NEB: variants seen among roughly 807,000 people sequenced by gnomAD.
NEB encodes the protein nemaline myopathy type 2.
NEB carries 512 observed loss-of-function variants against 952.2 expected under a neutral mutation model. The ratio of observed to expected loss-of-function variants is 0.54; its 90% CI spans 0.50 to 0.58. The LOEUF is 0.58. Ranked by LOEUF, NEB falls within the 20% of genes least tolerant of loss-of-function variation. NEB has a pLI of 0.00. For missense variants in NEB, 8,428 were observed against 9,231.1 expected (o/e 0.91, Z 3.56); for synonymous variants, 2,900 against 3,149.8 (o/e 0.92, Z 2.66).
chr2:151,704,876 C>T (rs1055632303), intron 13 of NEB, among the ~76,000 whole-genome samples: 8 of 152,198 alleles, frequency 5.3e-5, no homozygotes, highest in African/African-American at 1.9e-4. Flanking sequence ...ATTCGGCCAT[C>T]TTGGCTCCTC....
At chr2:151,506,669 C>G (rs2069218035) in intron 163 of NEB, among the ~76,000 whole-genome samples, 1 of 152,176 alleles carries the variant, frequency 6.6e-6, no homozygotes, top group Non-Finnish European at 1.5e-5. Flanking sequence ...ACACATGTTA[C>G]TGCCCTGGGA....
At chr2:151,718,233 T>C (rs1254615096) in intron 9 of NEB, among the ~76,000 whole-genome samples, 1 of 152,126 alleles carries the variant, frequency 6.6e-6, no homozygotes, top group African/African-American at 2.4e-5. Context: ...AATGCTAACA[T>C]GATGAGTAGG....
chr2:151,563,253 G>A lies in NEB; in HGVS notation c.18693+353C>T, dbSNP rs561806276. ...CAGTCTCGAACTCCTGACCTCTGGT[G>A]ATCTGCCTGCCTTGGCCTCCAAAGT... On this transcript the variant is annotated intron_variant, in intron 119 of 181. Transcript: ENST00000397345. Among the ~76,000 whole-genome samples the A allele has an allele frequency of 1.8e-4, 27 of 152,068 alleles. 1 individual carries two copies. The highest frequency in any genetic ancestry group is 3.8e-4 in the Non-Finnish European group (26 of 67,986).
At position 151,568,094 on chromosome 2, in the gene NEB, G is replaced by A. The variant is rs2153743962; in HGVS notation, c.17821C>T (p.His5941Tyr). The change falls in exon 113 of 182, where the codon CAC becomes TAC. Residue 5941 changes from histidine (H) to tyrosine (Y), a missense_variant. This residue lies in a region of NEB where 3,374 missense variants were observed against 3,651.5 expected (regional missense o/e 0.92). Transcript: ENST00000397345. The part of the protein sequence containing the change: ...PDAVPFVHAH[H>Y]CNDVQSELKY... ...ACCTCACTCTGAACGTCATTGCAGTGATGGGCATGAACAAATGGCACAGCA... is the reference window on the plus strand; with the variant it reads ...ACCTCACTCTGAACGTCATTGCAGTAATGGGCATGAACAAATGGCACAGCA... 1 of 1,613,512 alleles carries A rather than the reference G, an allele frequency of 6.2e-7. No homozygotes were observed. Among genetic ancestry groups the A allele is most frequent in the East Asian group, 2.2e-5 (1 of 44,836 alleles).
Position 151,547,310 on chromosome 2 carries a change from CTT to C in NEB, c.20367+117_20367+118del, listed in dbSNP as rs1296220345. 9.5e-6 allele frequency: 7 copies of C among 740,200 alleles called. No individual in the cohort carries two copies. In the East Asian group the frequency reaches 1.1e-4, roughly 11 times the overall value. 45.9% of individuals were successfully genotyped at this position (740,200 alleles called of 1,614,324 possible). A position where few individuals can be genotyped will look rare whatever the true frequency, so the allele number is the denominator to read the frequency against. On this transcript the variant is annotated intron_variant, in intron 133 of 181. Coordinates refer to ENST00000397345, the MANE Select transcript of NEB (RefSeq NM_001164508.2). ...CACTGTCTTACCTCCAACTTGTACTCTTTGTTTAGAAGTGCTTATCAGAAAAG... is the reference window on the plus strand; with the variant it reads ...CACTGTCTTACCTCCAACTTGTACTCTGTTTAGAAGTGCTTATCAGAAAAG...
intron 18 of NEB, among the ~76,000 whole-genome samples, chr2:151,695,220 T>A (rs1275792279): frequency 6.6e-6 from 1 of 152,164 alleles, no homozygotes; most frequent in Non-Finnish European, 1.5e-5. Flanking sequence ...TTGTGTGAAA[T>A]AAGGGACATT....
intron 150 of NEB, 106 bp from the exon 151 acceptor site, chr2:151,525,379 G>C: frequency 1.2e-6 from 1 of 823,946 alleles, no homozygotes; most frequent in South Asian, 1.5e-5. Context: ...CCCCATTTTG[G>C]CGTCAGTCTG....
chr2:151,514,059 AAT>A lies in NEB; in HGVS notation c.23127+257_23127+258del, dbSNP rs1467771908. On this transcript the variant is annotated intron_variant, in intron 159 of 181. Transcript: ENST00000397345. ...TGTTTTCGTGTAGATGAGCACACCA[AAT>A]ATATCAAGTTAAATCAAATAATATT... Among the ~76,000 whole-genome samples the A allele has an allele frequency of 2.0e-5, 3 of 152,250 alleles. No individual in the cohort carries two copies. The East Asian group carries it at 5.8e-4, about 29-fold the overall frequency.
In NEB at chr2:151,650,884, T is replaced by C. The variant is rs2099021678; in HGVS notation, c.6917A>G (p.Tyr2306Cys). 1 of 1,602,814 alleles carries C rather than the reference T, an allele frequency of 6.2e-7. No homozygotes were observed. ...CTTTCGGTAGCCTTGTTTGTATTTATACTGAAATCAGAGAAAACACAGCTC... is the reference window on the plus strand; with the variant it reads ...CTTTCGGTAGCCTTGTTTGTATTTACACTGAAATCAGAGAAAACACAGCTC... ...AKASRDIASD[Y>C]KYKQGYRKQL... The change falls in exon 53 of 182, where the codon TAT (tyrosine) becomes TGT (cysteine). Residue 2306 changes from tyrosine to cysteine, a missense_variant and splice_region_variant. Coordinates refer to ENST00000397345, the MANE Select transcript of NEB (RefSeq NM_001164508.2).
chr2:151,525,988 G>C lies in NEB; in HGVS notation c.22131C>G (p.His7377Gln), dbSNP rs777069125. The change falls in exon 150 of 182, where the codon CAC becomes CAG. Residue 7377 changes from histidine to glutamine, a missense_variant. By Grantham distance (24) the His-to-Gln change is conservative (BLOSUM62 0). Transcript: ENST00000397345. ...TTLPETRDTV[H>Q]VKEVTKHVSD... is the part of the protein sequence containing the mutation. ...TGACATGCTTGGTCACTTCCTTGAC[G>C]TGAACAGTGTCCCGGGTCTCTGGTA... 78 of 1,613,840 alleles carry C rather than the reference G, an allele frequency of 4.8e-5. No individual in the cohort carries two copies. Among genetic ancestry groups the C allele is most frequent in the Non-Finnish European group, 6.3e-5 (74 of 1,179,856 alleles).
chr2:151,687,837 C>T, intron 25 of NEB, 104 bp from the exon 26 acceptor site: 4 of 1,005,620 alleles, frequency 4.0e-6, no homozygotes, highest in African/African-American at 1.6e-5. Context: ...CTTATTTCTC[C>T]TATAAAAACT....
In NEB at chr2:151,563,601, C is replaced by G. The variant is rs377482159; in HGVS notation, c.18693+5G>C. The G allele has an allele frequency of 1.6e-5, 26 of 1,609,980 alleles. No individual in the cohort carries two copies. The highest frequency in any genetic ancestry group is 2.0e-5 in the Non-Finnish European group (23 of 1,176,200). ...AATCCCGTGTTAAAGTGGACATTTACTTACCGCACTCCTCATCTTTTGGAA... is the reference window on the plus strand; with the variant it reads ...AATCCCGTGTTAAAGTGGACATTTAGTTACCGCACTCCTCATCTTTTGGAA... On this transcript the variant is annotated splice_donor_5th_base_variant and intron_variant, in intron 119 of 181. Coordinates refer to ENST00000397345, the MANE Select transcript of NEB (RefSeq NM_001164508.2).
intron 10 of NEB, among the ~76,000 whole-genome samples, chr2:151,714,483 G>A (rs2099753789): frequency 6.6e-6 from 1 of 152,082 alleles, no homozygotes; most frequent in African/African-American, 2.4e-5. Context: ...CCTCAAGATG[G>A]TATATAAGCT....
At chr2:151,696,773 C>T (rs1198138625) in intron 16 of NEB, 38 bp from the exon 17 acceptor site, 3 of 1,516,014 alleles carry the variant, frequency 2.0e-6, no homozygotes, top group African/African-American at 2.7e-5. Context: ...AGTAGTATCA[C>T]CTGTCAGATC....
chr2:151,729,599 G>A lies in NEB; in HGVS notation c.78+16C>T, dbSNP rs369843963. 1.9e-6 allele frequency: 3 copies of A among 1,612,472 alleles called. No individual in the cohort carries two copies. In the African/African-American group the frequency reaches 4.0e-5, roughly 22 times the overall value. On this transcript the variant is annotated intron_variant, in intron 4 of 181. Coordinates refer to ENST00000397345, the MANE Select transcript of NEB (RefSeq NM_001164508.2). ...TAATGAGAATGCAGTTTATGCAGCT[G>A]TGGGCTGGGCCTTACCTCTCCCGGC... is the stretch of plus-strand genomic sequence containing the variant.
At position 151,617,546 on chromosome 2, in the gene NEB, G is replaced by A. The variant is rs1279959417; in HGVS notation, c.11077-78C>T. 8.0e-6 allele frequency: 7 copies of A among 870,986 alleles called. No homozygotes were observed. The East Asian group carries it at 1.3e-4, about 17-fold the overall frequency. 54.0% of individuals were successfully genotyped at this position (870,986 alleles called of 1,614,324 possible). On this transcript the variant is annotated intron_variant, in intron 74 of 181. Transcript: ENST00000397345. ...TCACAGATATTATTGTTTTGATTAT[G>A]TGCCAGTCATCTCTCTTGTATACAA...
chr2:151,540,322 G>T (rs1031127405), intron 138 of NEB, 22 bp downstream of exon 138: 4 of 1,462,908 alleles, frequency 2.7e-6, no homozygotes, highest in Non-Finnish European at 3.7e-6. Context: ...CACAACAGAA[G>T]AAAAAAGGAA....
chr2:151,562,763 T>G lies in NEB; in HGVS notation c.18739A>C (p.Ile6247Leu), dbSNP rs2096149740. ...ACGTGATTCATCATGTCATTGGGGA[T>G]ATGAACATTTGCTTTGGTATCCTCA... ...HYEDTKANVHIPNDMMNHVLA... is the reference protein window; with the variant it reads ...HYEDTKANVHLPNDMMNHVLA... Residue 6247 changes from isoleucine to leucine, a missense_variant, in exon 120 of 182, where the codon ATC becomes CTC. Ile to Leu is a conservative substitution (Grantham distance 5). This residue lies in a region of NEB where 3,374 missense variants were observed against 3,651.5 expected (regional missense o/e 0.92). Transcript: ENST00000397345. 1 of 1,594,452 alleles carries G rather than the reference T, an allele frequency of 6.3e-7. No homozygotes were observed. Among genetic ancestry groups the G allele is most frequent in the East Asian group, 2.3e-5 (1 of 44,320 alleles).
intron 135 of NEB, among the ~76,000 whole-genome samples, chr2:151,545,095 A>T (rs2094516550): frequency 6.6e-6 from 1 of 152,240 alleles, no homozygotes; most frequent in Non-Finnish European, 1.5e-5. Flanking sequence ...ACTGCAATAT[A>T]TCAGGAGCCT....
Sources: gnomAD v4.1 joint callset for allele counts (sites outside exome capture counted in the v4.1 genomes callset) on GRCh38, gnomAD v4.1.1 for gene constraint, gnomAD v4.1.1 regional missense constraint, MANE v1.5 for transcripts, NCBI Gene and HGNC (gene_info 2026-07-23, HGNC 2026-07-21) for gene names.